The following PDE1C variants were observed in gnomAD, a reference collection of about 807,000 sequenced individuals.
PDE1C encodes the protein dual specificity calcium/calmodulin-dependent 3',5'-cyclic nucleotide phosphodiesterase 1C.
PDE1C carries 62 observed loss-of-function variants against 93.1 expected under a neutral mutation model. The observed-to-expected ratio is 0.67, with a 90% CI of 0.54 to 0.82. The LOEUF (loss-of-function observed/expected upper bound fraction) is 0.82, where lower values mean the gene tolerates loss of function less well. PDE1C is among the 40% of genes least tolerant of loss of function. The pLI is 0.00. For missense variants in PDE1C, 742 were observed against 884.6 expected (o/e 0.84, Z 2.04); for synonymous variants, 325 against 310.1 (o/e 1.05, Z -0.50).
intron 2 of PDE1C, among the ~76,000 whole-genome samples, chr7:32,048,073 T>C (rs188499411): frequency 1.3e-5 from 2 of 152,188 alleles, no homozygotes; most frequent in Admixed American, 6.5e-5. Flanking sequence ...ATTACTTGAC[T>C]GGGAGTGTCA....
At chr7:32,220,710 C>T (rs1271095755) in intron 1 of PDE1C, among the ~76,000 whole-genome samples, 25 of 152,130 alleles carry the variant, frequency 1.6e-4, no homozygotes, top group Non-Finnish European at 3.4e-4. Flanking sequence ...CCCAGCTACT[C>T]GGGAGGCTGA....
At position 31,759,365 on chromosome 7, in the gene PDE1C, C is replaced by T. The variant is rs150407864; in HGVS notation, c.1961-5812G>A. On this transcript the variant is annotated intron_variant, in intron 17 of 17. Transcript: ENST00000396191. ...AGGGGTCCGACCCTCCTCCTTTCAA[C>T]GACTGGGCACTTCCCACAGCTGAAT... is the stretch of plus-strand genomic sequence containing the variant. Among the ~76,000 whole-genome samples the T allele has an allele frequency of 5.0e-4, 76 of 152,270 alleles. 1 individual carries two copies. The Middle Eastern group carries it at 0.01, about 20-fold the overall frequency.
intron 3 of PDE1C, among the ~76,000 whole-genome samples, chr7:32,112,674 T>C (rs542692629): frequency 1.3e-5 from 2 of 151,494 alleles, no homozygotes; most frequent in African/African-American, 4.8e-5. Context: ...AGGCTGGTCT[T>C]GTAATCCTGG....
chr7:32,379,063 T>C (rs1262013329), intron 1 of PDE1C, among the ~76,000 whole-genome samples: 2 of 152,196 alleles, frequency 1.3e-5, no homozygotes, highest in African/African-American at 4.8e-5. Flanking sequence ...ATGCGTTCTC[T>C]GGCCTACCTA....
At chr7:31,764,311 A>C (rs763573221) in intron 17 of PDE1C, among the ~76,000 whole-genome samples, 4 of 152,028 alleles carry the variant, frequency 2.6e-5, no homozygotes, top group Admixed American at 1.3e-4. Context: ...CACCCAGATA[A>C]TTTTTTGTAT....
the PDE1C span, chr7:31,643,167 AC>A: frequency 6.2e-7 from 1 of 1,613,998 alleles, no homozygotes; most frequent in South Asian, 1.1e-5. Context: ...CTCAAAGGTC[AC>A]CTGGAAATGA....
intron 3 of PDE1C, among the ~76,000 whole-genome samples, chr7:32,168,497 A>G (rs1224513137): frequency 1.3e-5 from 2 of 152,212 alleles, no homozygotes; most frequent in African/African-American, 4.8e-5. Flanking sequence ...CCTTAGGAGA[A>G]GGGATTGACT....
At chr7:32,424,976 T>A (rs1377787922) in intron 1 of PDE1C, among the ~76,000 whole-genome samples, 1 of 152,222 alleles carries the variant, frequency 6.6e-6, no homozygotes, top group Non-Finnish European at 1.5e-5. Flanking sequence ...ATTTACTAGC[T>A]GTGTGACTAA....
chr7:32,036,857 T>C (rs926009590), intron 2 of PDE1C, among the ~76,000 whole-genome samples: 7 of 152,190 alleles, frequency 4.6e-5, no homozygotes, highest in African/African-American at 1.7e-4. Flanking sequence ...CTTTTTGAAA[T>C]GTAAATCCAC....
chr7:32,425,972 A>G (rs1208576502), intron 1 of PDE1C, among the ~76,000 whole-genome samples: 1 of 152,070 alleles, frequency 6.6e-6, no homozygotes, highest in Non-Finnish European at 1.5e-5. Flanking sequence ...GGAAGGAAGG[A>G]AGGAGAAAAA....
intron 3 of PDE1C, among the ~76,000 whole-genome samples, chr7:32,125,512 T>C (rs1045019318): frequency 2.0e-5 from 3 of 152,166 alleles, no homozygotes; most frequent in African/African-American, 7.2e-5. Context: ...ATGTGGTATA[T>C]ATACATCGTG....
At chr7:32,284,995 A>C (rs1585078107) in intron 1 of PDE1C, among the ~76,000 whole-genome samples, 1 of 150,474 alleles carries the variant, frequency 6.6e-6, no homozygotes, top group African/African-American at 2.5e-5. Flanking sequence ...GTGCCACTGC[A>C]CTCCAGCCTG....
intron 1 of PDE1C, among the ~76,000 whole-genome samples, chr7:32,418,075 A>G (rs1785311264): frequency 6.6e-6 from 1 of 152,148 alleles, no homozygotes; most frequent in Admixed American, 6.5e-5. Context: ...TGCAGCTTCA[A>G]ACTCCTGGGC....
chr7:32,212,869 C>T (rs936335789), intron 1 of PDE1C, among the ~76,000 whole-genome samples: 6 of 152,178 alleles, frequency 3.9e-5, no homozygotes, highest in Admixed American at 2.6e-4. Context: ...TCAGAACCAC[C>T]GAGCAGGTTT....
chr7:31,622,910 A>G, the PDE1C span, among the ~76,000 whole-genome samples: 1 of 152,350 alleles, frequency 6.6e-6, no homozygotes, highest in East Asian at 1.9e-4. Context: ...ACAATAAAAA[A>G]TGATAAAGGG....
intron 2 of PDE1C, among the ~76,000 whole-genome samples, chr7:32,171,924 A>G (rs989512303): frequency 1.3e-5 from 2 of 148,554 alleles, no homozygotes; most frequent in Non-Finnish European, 3.0e-5. Context: ...CAGATGTACC[A>G]TGCTAAGGTA....
intron 2 of PDE1C, among the ~76,000 whole-genome samples, chr7:32,171,501 T>C (rs1316032707): frequency 1.3e-5 from 2 of 149,110 alleles, no homozygotes; most frequent in East Asian, 1.9e-4. Flanking sequence ...ATTTTACTTA[T>C]TATTATTAAA....
At chr7:31,736,027 G>A in the PDE1C span, among the ~76,000 whole-genome samples, 290 of 152,268 alleles carry the variant, frequency 1.9e-3, 1 homozygote, top group African/African-American at 6.5e-3. Context: ...GTGCATTGCT[G>A]TGTGCAAATT....
chr7:31,924,233 A>G (rs942629103), intron 2 of PDE1C, among the ~76,000 whole-genome samples: 3 of 152,200 alleles, frequency 2.0e-5, no homozygotes, highest in South Asian at 2.1e-4. Flanking sequence ...TTTACTGTAT[A>G]TATGATCTAG....
Sources: allele counts gnomAD v4.1 joint callset (sites outside exome capture counted in the v4.1 genomes callset), GRCh38; gene constraint gnomAD v4.1.1; transcripts MANE v1.5; gene names NCBI Gene and HGNC (gene_info 2026-07-23, HGNC 2026-07-21).